RRN3: variants seen among roughly 807,000 people sequenced by gnomAD.
RRN3 encodes RNA polymerase I-specific transcription initiation factor RRN3.
A neutral mutation model predicts 82.3 loss-of-function variants in RRN3; 38 were observed. The ratio of observed to expected loss-of-function variants is 0.46; its 90% CI spans 0.36 to 0.61. The LOEUF (loss-of-function observed/expected upper bound fraction) is 0.61. Among genes scored for constraint, RRN3 ranks in the 20% least tolerant of loss-of-function variants. RRN3 has a pLI of 0.00. For synonymous variants in RRN3, 284 were observed against 284.3 expected, an observed-to-expected ratio of 1.00 and a Z score of 0.01; for missense variants, 726 against 793.1, an observed-to-expected ratio of 0.92 and a Z score of 1.02.
At chr16:15,068,072 T>C (rs2045053051) in intron 15 of RRN3, 97 bp downstream of exon 15, 1 of 1,394,670 alleles carries the variant, frequency 7.2e-7, no homozygotes, top group African/African-American at 1.5e-5. Context: ...TTTATAATGT[T>C]ACTAATTTCA....
chr16:15,064,245 G>C (rs1234182381), intron 16 of RRN3, among the ~76,000 whole-genome samples: 1 of 151,412 alleles, frequency 6.6e-6, no homozygotes, highest in Non-Finnish European at 1.5e-5. Context: ...GTGCAATCTC[G>C]GCTCACTGCA....
intron 15 of RRN3, among the ~76,000 whole-genome samples, chr16:15,066,821 T>C (rs1460126876): frequency 1.3e-5 from 2 of 151,648 alleles, no homozygotes; most frequent in Non-Finnish European, 2.9e-5. Flanking sequence ...TTATTTACCA[T>C]ATCTGTACCT....
chr16:15,073,205 C>T (rs1883435130), intron 11 of RRN3, 125 bp from the exon 12 acceptor site: 1 of 1,090,264 alleles, frequency 9.2e-7, no homozygotes, highest in Non-Finnish European at 1.3e-6. Flanking sequence ...GTGGCTCCTG[C>T]CTGCAATCCC....
intron 9 of RRN3, 52 bp from the exon 10 acceptor site, chr16:15,076,702 A>G (rs766472162): frequency 1.5e-6 from 2 of 1,307,446 alleles, no homozygotes; most frequent in South Asian, 1.2e-5. Context: ...AAATACAACT[A>G]TGTTATTTTG....
At chr16:15,081,008 A>C in intron 8 of RRN3, among the ~76,000 whole-genome samples, 1 of 152,114 alleles carries the variant, frequency 6.6e-6, no homozygotes, top group South Asian at 2.1e-4. Context: ...GAGTCATATA[A>C]TACACAGTCT....
intron 10 of RRN3, among the ~76,000 whole-genome samples, chr16:15,075,531 C>A (rs1462118264): frequency 6.6e-6 from 1 of 150,798 alleles, no homozygotes; most frequent in Non-Finnish European, 1.5e-5. Flanking sequence ...AGATCACACA[C>A]TGCCACACTC....
At chr16:15,087,374 A>G (rs1367010499) in intron 3 of RRN3, among the ~76,000 whole-genome samples, 1 of 152,162 alleles carries the variant, frequency 6.6e-6, no homozygotes, top group Non-Finnish European at 1.5e-5. Context: ...GAGGCTAAGA[A>G]CGATTAATAA....
intron 17 of RRN3, 108 bp from the exon 18 acceptor site, chr16:15,062,013 ATATCT>A: frequency 8.9e-7 from 1 of 1,125,214 alleles, no homozygotes; most frequent in Non-Finnish European, 1.3e-6. Context: ...GGTGAAGAAA[ATATCT>A]TAATTTCAAA....
chr16:15,094,107 C>T (rs746847333), intron 1 of RRN3, 38 bp downstream of exon 1: 2 of 1,541,988 alleles, frequency 1.3e-6, no homozygotes, highest in South Asian at 1.2e-5. Flanking sequence ...CCTGAGCTTT[C>T]GTCCCAGATA....
At chr16:15,088,754 T>A (rs1419773277) in intron 3 of RRN3, among the ~76,000 whole-genome samples, 1 of 152,138 alleles carries the variant, frequency 6.6e-6, no homozygotes, top group Non-Finnish European at 1.5e-5. Flanking sequence ...ATGGCAGGCA[T>A]GTATAGTGAC....
intron 1 of RRN3, 182 bp downstream of exon 1, chr16:15,093,963 C>G (rs1467254806): frequency 1.6e-6 from 1 of 630,794 alleles, no homozygotes; most frequent in African/African-American, 1.9e-5. Flanking sequence ...TTTCCAGGCC[C>G]CACCCATGTC....
chr16:15,081,100 T>C (rs911300146), intron 8 of RRN3, among the ~76,000 whole-genome samples: 3 of 152,324 alleles, frequency 2.0e-5, no homozygotes, highest in East Asian at 1.9e-4. Context: ...CATTGTACCA[T>C]GTTTTGTCTG....
At chr16:15,077,416 G>C (rs2151793616) in intron 9 of RRN3, among the ~76,000 whole-genome samples, 1 of 152,190 alleles carries the variant, frequency 6.6e-6, no homozygotes, top group Non-Finnish European at 1.5e-5. Context: ...CAAGAGATCT[G>C]ATGGTTTTAT....
chr16:15,083,423 C>G lies in RRN3; in HGVS notation c.666+90G>C. ...CAAAAAAGAAAAAGAAAAAGAAAGA[C>G]TGGAAAAGAAAGAAAAAGACCTAAT... On this transcript the variant is annotated intron_variant, in intron 8 of 17. Transcript: ENST00000198767. 2.6e-6 allele frequency: 4 copies of G among 1,555,258 alleles called. No individual in the cohort carries two copies. In the South Asian group the frequency reaches 4.8e-5, roughly 19 times the overall value.
At chr16:15,090,010 A>C (rs2046068450) in intron 3 of RRN3, among the ~76,000 whole-genome samples, 1 of 151,728 alleles carries the variant, frequency 6.6e-6, no homozygotes, top group South Asian at 2.1e-4. Flanking sequence ...GGAGTTCAAG[A>C]CCAGCCTGGC....
intron 2 of RRN3, among the ~76,000 whole-genome samples, chr16:15,092,173 C>T (rs2046159002): frequency 1.3e-5 from 2 of 151,948 alleles, no homozygotes; most frequent in Admixed American, 1.3e-4. Context: ...AGGAAGACTC[C>T]AGCACAAATA....
At chr16:15,063,485 G>A (rs565141995) in intron 16 of RRN3, among the ~76,000 whole-genome samples, 1 of 152,080 alleles carries the variant, frequency 6.6e-6, no homozygotes, top group Non-Finnish European at 1.5e-5. Flanking sequence ...GAGGTGGGCA[G>A]ATCATGAGGT....
rs755295013 is a variant in RRN3 at position 15,092,567 on chromosome 16, G to T, written c.137C>A (p.Pro46Gln). The part of the protein sequence containing the change: ...ALENDFFNSP[P>Q]RKTVRFGGTV... Reference sequence around the variant, plus strand: ...TCCACCAAACCGAACAGTTTTTCTTGGGGGAGAATTGAAAAAGTCATTCTC... The same window carrying T: ...TCCACCAAACCGAACAGTTTTTCTTTGGGGAGAATTGAAAAAGTCATTCTC... The change falls in exon 2 of 18, where the codon CCA becomes CAA. Residue 46 changes from proline to glutamine, a missense_variant. Pro to Gln is a moderately conservative substitution (Grantham distance 76). Coordinates refer to ENST00000198767, the MANE Select transcript of RRN3 (RefSeq NM_018427.5). 1 of 1,613,446 alleles carries T rather than the reference G, an allele frequency of 6.2e-7. No homozygotes were observed. The highest frequency in any genetic ancestry group is 1.1e-5 in the South Asian group (1 of 91,030).
intron 8 of RRN3, among the ~76,000 whole-genome samples, chr16:15,082,146 T>C (rs1020299922): frequency 6.6e-6 from 1 of 152,212 alleles, no homozygotes; most frequent in Non-Finnish European, 1.5e-5. Flanking sequence ...AGAGCGGACA[T>C]CCTTGTTTTG....
Sources: gnomAD v4.1 joint callset for allele counts (sites outside exome capture counted in the v4.1 genomes callset) on GRCh38, gnomAD v4.1.1 for gene constraint, MANE v1.5 for transcripts, NCBI Gene and HGNC (gene_info 2026-07-23, HGNC 2026-07-21) for gene names.